The following GALNT16 variants were observed in gnomAD, a reference collection of about 807,000 sequenced individuals.
GALNT16 encodes the protein UDP-GalNAc:polypeptide N-acetylgalactosaminyltransferase-like protein 1.
A neutral mutation model predicts 76.1 loss-of-function variants in GALNT16; 40 were observed. That is an observed-to-expected ratio of 0.53 (90% confidence interval 0.41 to 0.68). The LOEUF is 0.68. GALNT16 is among the 30% of genes least tolerant of loss of function. The probability of loss-of-function intolerance (pLI) is 0.00; values close to 1 mark genes in which losing one functional copy is unlikely to be tolerated. For missense variants in GALNT16, 621 were observed against 731.9 expected (o/e 0.85, Z 1.75); for synonymous variants, 276 against 285.2 (o/e 0.97, Z 0.32).
chr14:69,339,653 CT>C (rs1178963610), intron 11 of GALNT16, 34 bp downstream of exon 11: 1 of 1,325,128 alleles, frequency 7.5e-7, no homozygotes, highest in Non-Finnish European at 1.1e-6. Context: ...CTGACTCCCT[CT>C]ACCCACATTA....
intron 1 of GALNT16, among the ~76,000 whole-genome samples, chr14:69,268,586 G>T (rs2044367788): frequency 6.6e-6 from 1 of 152,144 alleles, no homozygotes; most frequent in South Asian, 2.1e-4. Flanking sequence ...ATTATTTACT[G>T]AGCATGTACT....
chr14:69,277,467 T>G (rs1191185632), intron 1 of GALNT16, among the ~76,000 whole-genome samples: 2 of 152,224 alleles, frequency 1.3e-5, no homozygotes, highest in African/African-American at 4.8e-5. Context: ...AGTGAGAGCA[T>G]GCAGTGTTTG....
intron 1 of GALNT16, among the ~76,000 whole-genome samples, chr14:69,296,796 CAGAT>C (rs200484857): frequency 0.056 from 7,844 of 138,836 alleles, 243 homozygotes; most frequent in Non-Finnish European, 0.069. Flanking sequence ...GATAGACAGA[CAGAT>C]AGAGCTAGAT....
intron 1 of GALNT16, among the ~76,000 whole-genome samples, chr14:69,319,811 C>T (rs185941235): frequency 8.4e-4 from 128 of 152,322 alleles, no homozygotes; most frequent in African/African-American, 2.9e-3. Flanking sequence ...GCAAAAGTCC[C>T]AGAGAAGATG....
At chr14:69,332,654 A>G (rs1017201240) in intron 7 of GALNT16, 1 of 163,590 alleles carries the variant, frequency 6.1e-6, no homozygotes, top group Non-Finnish European at 1.3e-5. Flanking sequence ...CCTTTGGGAA[A>G]TCACCTCAGG....
intron 12 of GALNT16, among the ~76,000 whole-genome samples, chr14:69,342,157 A>G (rs1351736530): frequency 1.3e-5 from 2 of 152,074 alleles, no homozygotes; most frequent in African/African-American, 4.8e-5. Flanking sequence ...TGGTGAAAAA[A>G]TGAGAAACCG....
chr14:69,260,371 C>T lies in GALNT16; in HGVS notation c.81C>T (p.Asp27=). ...ILGTFYYLWQ[D]NRAHAASSGG... The stretch of plus-strand genomic sequence containing the variant: ...GCACTTTCTACTACTTATGGCAGGA[C>T]AACCGAGCCCACGCAGCATCCTCCG... The change falls in exon 1 of 15, where the codon GAC becomes GAT. Residue 27 remains aspartate, a synonymous_variant. Coordinates refer to ENST00000448469, the MANE Select transcript of GALNT16 (RefSeq NM_001168368.2). The T allele has an allele frequency of 1.2e-6, 2 of 1,611,582 alleles. No homozygotes were observed. Among genetic ancestry groups the T allele is most frequent in the Non-Finnish European group, 1.7e-6 (2 of 1,179,166 alleles).
the GALNT16 span, among the ~76,000 whole-genome samples, chr14:69,368,424 T>G: frequency 3.3e-5 from 5 of 152,148 alleles, no homozygotes; most frequent in Non-Finnish European, 7.4e-5. Context: ...GGCTAGAGAA[T>G]CTGCTTCCAA....
chr14:69,309,840 A>C (rs1472024191), intron 1 of GALNT16, among the ~76,000 whole-genome samples: 1 of 152,216 alleles, frequency 6.6e-6, no homozygotes, highest in Non-Finnish European at 1.5e-5. Flanking sequence ...CTTTTATGAC[A>C]TATGGGCTTT....
intron 1 of GALNT16, among the ~76,000 whole-genome samples, chr14:69,320,349 G>T (rs1056841334): frequency 6.6e-6 from 1 of 152,184 alleles, no homozygotes; most frequent in African/African-American, 2.4e-5. Context: ...ATGAAAATTA[G>T]CTAGGCGTGG....
At chr14:69,319,201 C>T (rs1306779639) in intron 1 of GALNT16, among the ~76,000 whole-genome samples, 1 of 152,152 alleles carries the variant, frequency 6.6e-6, no homozygotes, top group Non-Finnish European at 1.5e-5. Flanking sequence ...AGGAGGCAAC[C>T]CTAGAAGGTA....
chr14:69,344,490 T>G (rs995544016), intron 12 of GALNT16, among the ~76,000 whole-genome samples: 1 of 152,040 alleles, frequency 6.6e-6, no homozygotes, highest in African/African-American at 2.4e-5. Context: ...GAGAAGGAAG[T>G]GGATGCAGAG....
chr14:69,330,394 A>G (rs2045338027), intron 6 of GALNT16, among the ~76,000 whole-genome samples: 1 of 152,222 alleles, frequency 6.6e-6, no homozygotes, highest in Non-Finnish European at 1.5e-5. Flanking sequence ...CAGAAAGTAG[A>G]TTGGGTTTCT....
At chr14:69,377,945 AG>A in the GALNT16 span, among the ~76,000 whole-genome samples, 2 of 152,156 alleles carry the variant, frequency 1.3e-5, no homozygotes, top group Admixed American at 6.6e-5. Context: ...AATTTGATAA[AG>A]GAAGACCATC....
intron 5 of GALNT16, among the ~76,000 whole-genome samples, chr14:69,326,913 T>C (rs1203518145): frequency 6.6e-6 from 1 of 152,120 alleles, no homozygotes; most frequent in Non-Finnish European, 1.5e-5. Context: ...AGCCGCCTAC[T>C]CATACTCATA....
chr14:69,339,070 G>A (rs576959728), intron 10 of GALNT16, among the ~76,000 whole-genome samples: 1 of 152,166 alleles, frequency 6.6e-6, no homozygotes, highest in South Asian at 2.1e-4. Flanking sequence ...ATGGAGCCCC[G>A]AGTGCTGGTC....
chr14:69,278,936 T>TC (rs2140113497), intron 1 of GALNT16, among the ~76,000 whole-genome samples: 1 of 151,964 alleles, frequency 6.6e-6, no homozygotes, highest in East Asian at 1.9e-4. Flanking sequence ...ACCTTAATTT[T>TC]TTTTTTTTTT....
intron 1 of GALNT16, among the ~76,000 whole-genome samples, chr14:69,268,927 G>T (rs2044371500): frequency 6.6e-6 from 1 of 152,182 alleles, no homozygotes; most frequent in African/African-American, 2.4e-5. Context: ...GGAGCAGCAG[G>T]AAAAGTGCCC....
At chr14:69,367,532 A>G in the GALNT16 span, among the ~76,000 whole-genome samples, 1 of 151,846 alleles carries the variant, frequency 6.6e-6, no homozygotes, top group African/African-American at 2.4e-5. Flanking sequence ...ATCTGGAGCA[A>G]TACATTTCTG....
Sources: gnomAD v4.1 joint callset for allele counts (sites outside exome capture counted in the v4.1 genomes callset) on GRCh38, gnomAD v4.1.1 for gene constraint, MANE v1.5 for transcripts, NCBI Gene and HGNC (gene_info 2026-07-23, HGNC 2026-07-21) for gene names.